FTO: variants seen among roughly 807,000 people sequenced by gnomAD.
FTO encodes FTO alpha-ketoglutarate dependent dioxygenase.
A neutral mutation model predicts 63.9 loss-of-function variants in FTO; 47 were observed. The ratio of observed to expected loss-of-function variants is 0.74; its 90% confidence interval spans 0.58 to 0.94. FTO has a LOEUF of 0.94. Ranked by LOEUF, FTO falls within the 40% of genes least tolerant of loss-of-function variation. FTO has a pLI of 0.00. For missense variants in FTO, 562 were observed against 618.1 expected, an observed-to-expected ratio of 0.91 and a Z score of 0.96; for synonymous variants, 207 against 224.4, an observed-to-expected ratio of 0.92 and a Z score of 0.69.
chr16:53,873,558 T>C (rs2080562217), intron 4 of FTO, among the ~76,000 whole-genome samples: 1 of 150,310 alleles, frequency 6.7e-6, no homozygotes, highest in Non-Finnish European at 1.5e-5. Context: ...TATCTACATA[T>C]ATATAATGTC....
rs779953929 is a variant in FTO at position 53,825,860 on chromosome 16, T to G, written c.124-4T>G. ...CGTCTGTTTTTGCTTTGGTTTTGTT[T>G]TAGTGGCAGCTGAAATATCCTAAAC... On this transcript the variant is annotated splice_polypyrimidine_tract_variant and splice_region_variant and intron_variant, in intron 2 of 8. Coordinates refer to ENST00000471389, the MANE Select transcript of FTO (RefSeq NM_001080432.3). 1 of 1,613,226 alleles carries G rather than the reference T, an allele frequency of 6.2e-7. No homozygotes were observed. Among genetic ancestry groups the G allele is most frequent in the African/African-American group, 1.3e-5 (1 of 75,048 alleles).
At chr16:53,879,727 A>T in intron 5 of FTO, 117 bp from the exon 6 acceptor site, 2 of 936,362 alleles carry the variant, frequency 2.1e-6, no homozygotes, top group Non-Finnish European at 3.4e-6. Flanking sequence ...GTATAGACTG[A>T]GCCATGGGGC....
intron 8 of FTO, among the ~76,000 whole-genome samples, chr16:53,943,716 C>A (rs2082591765): frequency 6.6e-6 from 1 of 152,152 alleles, no homozygotes; most frequent in South Asian, 2.1e-4. Context: ...AAAATAAAGT[C>A]ATTCAGTTGA....
intron 8 of FTO, among the ~76,000 whole-genome samples, chr16:54,059,291 CAG>C (rs1378944908): frequency 6.6e-6 from 1 of 152,184 alleles, no homozygotes; most frequent in African/African-American, 2.4e-5. Flanking sequence ...AATATGAAAA[CAG>C]AGCAATTTCA....
At chr16:54,014,398 T>C (rs1320975854) in intron 8 of FTO, among the ~76,000 whole-genome samples, 1 of 151,552 alleles carries the variant, frequency 6.6e-6, no homozygotes, top group Non-Finnish European at 1.5e-5. Context: ...CTTCCTCCCC[T>C]CTCTCTCTCT....
In FTO at chr16:54,033,846, C is replaced by T. The variant is rs140539431; in HGVS notation, c.1365-77916C>T. On this transcript the variant is annotated intron_variant, in intron 8 of 8. Transcript: ENST00000471389. ...ATAAATAAATAAAGCTCAGATTCAT[C>T]CCATTCCAGGGAATAGGGAAAGTTC... Among the ~76,000 whole-genome samples the T allele has an allele frequency of 8.0e-3, 1,215 of 152,304 alleles. 9 individuals carry two copies. The highest frequency in any genetic ancestry group is 0.02 in the Middle Eastern group (6 of 294).
chr16:53,870,621 C>T (rs142734609), intron 4 of FTO, among the ~76,000 whole-genome samples: 1 of 152,270 alleles, frequency 6.6e-6, no homozygotes, highest in African/African-American at 2.4e-5. Flanking sequence ...CACAATGTAA[C>T]TTTGAATGTT....
At chr16:53,857,566 G>A (rs1220149676) in intron 4 of FTO, among the ~76,000 whole-genome samples, 1 of 152,030 alleles carries the variant, frequency 6.6e-6, no homozygotes, top group East Asian at 1.9e-4. Context: ...TAGGCTTGGA[G>A]CCTTCGTCTT....
At chr16:53,826,603 G>A (rs958908013) in intron 3 of FTO, 112 bp downstream of exon 3, 39 of 981,890 alleles carry the variant, frequency 4.0e-5, no homozygotes, top group South Asian at 5.4e-5. Context: ...GTGTGCTTGC[G>A]TGTGTACATG....
intron 8 of FTO, among the ~76,000 whole-genome samples, chr16:53,987,427 A>C (rs999282800): frequency 5.9e-5 from 9 of 151,770 alleles, no homozygotes; most frequent in Non-Finnish European, 1.0e-4. Flanking sequence ...CTAAAACTAC[A>C]AAAAAATTAG....
chr16:53,749,423 G>T (rs544509111), intron 1 of FTO, among the ~76,000 whole-genome samples: 364 of 151,208 alleles, frequency 2.4e-3, no homozygotes, highest in Middle Eastern at 6.9e-3. Flanking sequence ...TGGAGGAAAA[G>T]ATTTTAATTC....
intron 1 of FTO, among the ~76,000 whole-genome samples, chr16:53,770,907 G>A (rs893330651): frequency 2.6e-5 from 4 of 152,042 alleles, no homozygotes; most frequent in African/African-American, 9.7e-5. Context: ...GGGTGTTTGC[G>A]AGACGTTGTT....
chr16:53,732,015 C>CATGCCTG, intron 1 of FTO, among the ~76,000 whole-genome samples: 1 of 150,606 alleles, frequency 6.6e-6, no homozygotes, highest in Non-Finnish European at 1.5e-5. Context: ...CGTGAGCCAC[C>CATGCCTG]GCGCCCCAGC....
intron 8 of FTO, among the ~76,000 whole-genome samples, chr16:53,996,943 T>C (rs1194956353): frequency 6.6e-6 from 1 of 151,906 alleles, no homozygotes; most frequent in Non-Finnish European, 1.5e-5. Flanking sequence ...ACCCCGTCTG[T>C]ACTAAAAATA....
At chr16:53,774,218 T>C (rs1403640896) in intron 1 of FTO, among the ~76,000 whole-genome samples, 1 of 152,186 alleles carries the variant, frequency 6.6e-6, no homozygotes, top group Non-Finnish European at 1.5e-5. Flanking sequence ...GCCGTCTCTG[T>C]GCTTTGATTC....
chr16:53,795,483 G>T (rs2151699188), intron 1 of FTO, among the ~76,000 whole-genome samples: 1 of 152,164 alleles, frequency 6.6e-6, no homozygotes, highest in South Asian at 2.1e-4. Flanking sequence ...GTGTGTGTGT[G>T]TGTAGAGACC....
At chr16:53,972,853 G>C (rs2083358630) in intron 8 of FTO, among the ~76,000 whole-genome samples, 1 of 152,166 alleles carries the variant, frequency 6.6e-6, no homozygotes, top group Admixed American at 6.6e-5. Context: ...GAATAGTAGA[G>C]ATACCATTGT....
chr16:54,072,715 C>T (rs1483241192), intron 8 of FTO, among the ~76,000 whole-genome samples: 8 of 152,222 alleles, frequency 5.3e-5, no homozygotes, highest in East Asian at 1.9e-4. Context: ...TTTTGTGCCC[C>T]GCCCCATCCT....
At chr16:53,778,221 T>C (rs2077506732) in intron 1 of FTO, among the ~76,000 whole-genome samples, 1 of 152,214 alleles carries the variant, frequency 6.6e-6, no homozygotes, top group Non-Finnish European at 1.5e-5. Context: ...CTATAGTTAA[T>C]AATAATGTAT....
Sources: gnomAD v4.1 joint callset for allele counts (sites outside exome capture counted in the v4.1 genomes callset) on GRCh38, gnomAD v4.1.1 for gene constraint, MANE v1.5 for transcripts, NCBI Gene and HGNC (gene_info 2026-07-23, HGNC 2026-07-21) for gene names.